The following ZNF778 variants were observed in gnomAD, a reference collection of about 807,000 sequenced individuals.
The protein encoded by ZNF778 is zinc finger protein 778.
ZNF778 carries 37 observed loss-of-function variants against 23.9 expected under a neutral mutation model. That is an observed-to-expected ratio of 1.54 (90% confidence interval 1.19 to 2.03). The LOEUF (loss-of-function observed/expected upper bound fraction) is 2.03. Among genes scored for constraint, ZNF778 ranks in the 30% most tolerant of loss-of-function variants. ZNF778 has a pLI of 0.00. For synonymous variants in ZNF778, 483 were observed against 343.9 expected (o/e 1.40, Z -4.48); for missense variants, 1,297 against 934.4 (o/e 1.39, Z -5.06).
chr16:89,226,728 G>T lies in ZNF778; in HGVS notation c.440G>T (p.Arg147Leu). ...RSHNGGQLCDRTQCGEAFSEH... is the reference protein window; with the variant it reads ...RSHNGGQLCDLTQCGEAFSEH... The stretch of plus-strand genomic sequence containing the variant: ...CACAATGGAGGGCAGCTCTGTGACC[G>T]CACGCAGTGTGGAGAAGCTTTCAGT... The change falls in exon 7 of 7, where the codon CGC becomes CTC. Residue 147 changes from arginine (R) to leucine (L), a missense_variant. Transcript: ENST00000433976. The T allele has an allele frequency of 3.1e-6, 5 of 1,613,414 alleles. No homozygotes were observed. The highest frequency in any genetic ancestry group is 1.7e-4 in the Middle Eastern group (1 of 6,060).
Position 89,228,886 on chromosome 16 carries a change from G to T in ZNF778, c.*324G>T, listed in dbSNP as rs1469362090. On this transcript the variant is annotated 3_prime_UTR_variant, in exon 7 of 7. Transcript: ENST00000433976. Reference sequence around the variant, plus strand: ...CACAATGAAGAAAAACCTTAGGAGGGTGAGAATTGTTGGGAAGTCATTTTT... The same window carrying T: ...CACAATGAAGAAAAACCTTAGGAGGTTGAGAATTGTTGGGAAGTCATTTTT... 3 of 1,042,254 alleles carry T rather than the reference G, an allele frequency of 2.9e-6. No individual in the cohort carries two copies. Among genetic ancestry groups the T allele is most frequent in the Non-Finnish European group, 3.5e-6 (3 of 867,316 alleles). The allele number at this position is 1,042,254 out of a possible 1,614,324, so 64.6% of individuals were successfully genotyped here. A position where few individuals can be genotyped will look rare whatever the true frequency, so the allele number is the denominator to read the frequency against.
At chr16:89,222,879 C>G (rs551257666) in intron 3 of ZNF778, among the ~76,000 whole-genome samples, 1 of 148,652 alleles carries the variant, frequency 6.7e-6, no homozygotes, top group African/African-American at 2.5e-5. Context: ...TTAGAGGTGT[C>G]GTTGCGGCCG....
In ZNF778 at chr16:89,229,793, G is replaced by A. The variant is rs1003930609; in HGVS notation, c.*1231G>A. On this transcript the variant is annotated 3_prime_UTR_variant, in exon 7 of 7. Coordinates refer to ENST00000433976, the MANE Select transcript of ZNF778 (RefSeq NM_001201407.2). ...CAGATGTGATTCTGTGAGCAGTGTA[G>A]GCTCTGGTTGGTTAGTCTTAGGTAT... 1.0e-6 allele frequency: 1 copy of A among 983,662 alleles called. No homozygotes were observed. The highest frequency in any genetic ancestry group is 1.8e-5 in the African/African-American group (1 of 56,468). The allele number at this position is 983,662 out of a possible 1,614,324, so 60.9% of individuals were successfully genotyped here.
In ZNF778 at chr16:89,230,923, C is replaced by T. The variant is rs1218124125; in HGVS notation, c.*2361C>T. 6.6e-6 allele frequency: 1 copy of T among 152,128 alleles called. No homozygotes were observed. The highest frequency in any genetic ancestry group is 1.5e-5 in the Non-Finnish European group (1 of 68,074). The allele number at this position is 152,128 out of a possible 1,614,324, so 9.4% of individuals were successfully genotyped here. On this transcript the variant is annotated 3_prime_UTR_variant, in exon 7 of 7. Coordinates refer to ENST00000433976, the MANE Select transcript of ZNF778 (RefSeq NM_001201407.2). ...GTTTGAAATTCTGGATGGACAGACCCATGCACCTTCATGTTACGTGTTTAA... is the reference window on the plus strand; with the variant it reads ...GTTTGAAATTCTGGATGGACAGACCTATGCACCTTCATGTTACGTGTTTAA...
In ZNF778 at chr16:89,233,013, A is replaced by C. The variant is rs2032034060; in HGVS notation, c.*4451A>C. The C allele has an allele frequency of 7.8e-7, 1 of 1,274,674 alleles. No individual in the cohort carries two copies. The allele number at this position is 1,274,674 out of a possible 1,614,324, so 79.0% of individuals were successfully genotyped here. ...GTATGCAACCCAGCTCGCTCTGCGT[A>C]TGCAACTCAAGTCGCACTGCGTATG... On this transcript the variant is annotated 3_prime_UTR_variant, in exon 7 of 7. Transcript: ENST00000433976.
At position 89,228,263 on chromosome 16, in the gene ZNF778, C is replaced by T. The variant is rs758233220; in HGVS notation, c.1975C>T (p.His659Tyr). The T allele has an allele frequency of 1.9e-6, 3 of 1,605,676 alleles. No individual in the cohort carries two copies. Among genetic ancestry groups the T allele is most frequent in the Non-Finnish European group, 2.6e-6 (3 of 1,173,264 alleles). Residue 659 changes from histidine (H) to tyrosine (Y), a missense_variant, in exon 7 of 7, where the codon CAC becomes TAC. His to Tyr is a moderately conservative substitution (Grantham distance 83). Transcript: ENST00000433976. Reference sequence around the variant, plus strand: ...TGGGAAAGCCTTTGCTTCCTCCTCACACCTTATCGAACACAGAAGGACTCA... The same window carrying T: ...TGGGAAAGCCTTTGCTTCCTCCTCATACCTTATCGAACACAGAAGGACTCA... The part of the protein sequence containing the change: ...ECGKAFASSS[H>Y]LIEHRRTHTG...
chr16:89,225,493 C>G (rs1597356433), intron 5 of ZNF778, 62 bp from the exon 6 acceptor site: 4 of 1,333,774 alleles, frequency 3.0e-6, no homozygotes, highest in Non-Finnish European at 3.1e-6. Flanking sequence ...TCTGCCATGT[C>G]TTATATGAAA....
rs949690982 is a variant in ZNF778, at chr16:89,233,520, C to G, written c.*4958C>G. ...AACTCAGCTTGCTCTGTGTATGCAACTCAACTCGCACTGCGTATGCAAATC... is the reference window on the plus strand; with the variant it reads ...AACTCAGCTTGCTCTGTGTATGCAAGTCAACTCGCACTGCGTATGCAAATC... On this transcript the variant is annotated 3_prime_UTR_variant, in exon 7 of 7. Coordinates refer to ENST00000433976, the MANE Select transcript of ZNF778 (RefSeq NM_001201407.2). 1.6e-6 allele frequency: 2 copies of G among 1,286,054 alleles called. No homozygotes were observed. Among genetic ancestry groups the G allele is most frequent in the Non-Finnish European group, 2.0e-6 (2 of 987,206 alleles). 79.7% of individuals were successfully genotyped at this position (1,286,054 alleles called of 1,614,324 possible).
At chr16:89,225,975 G>T (rs1055381975) in intron 6 of ZNF778, among the ~76,000 whole-genome samples, 10 of 150,700 alleles carry the variant, frequency 6.6e-5, no homozygotes, top group South Asian at 2.1e-4. Flanking sequence ...GCAGTGGCAC[G>T]ATCTTGGCTC....
Position 89,233,034 on chromosome 16 carries a change from G to C in ZNF778, c.*4472G>C, listed in dbSNP as rs62068540. ...GCGTATGCAACTCAAGTCGCACTGC[G>C]TATGCAACTCAGCTCGCTCTGCGTA... On this transcript the variant is annotated 3_prime_UTR_variant, in exon 7 of 7. Coordinates refer to ENST00000433976, the MANE Select transcript of ZNF778 (RefSeq NM_001201407.2). The C allele has an allele frequency of 4.4e-5, 10 of 228,444 alleles. No homozygotes were observed. The highest frequency in any genetic ancestry group is 1.1e-4 in the Admixed American group (1 of 9,184). The allele number at this position is 228,444 out of a possible 1,614,324, so 14.2% of individuals were successfully genotyped here. A position where few individuals can be genotyped will look rare whatever the true frequency, so the allele number is the denominator to read the frequency against.
Position 89,229,523 on chromosome 16 carries a change from A to G in ZNF778, c.*961A>G. 1 of 967,392 alleles carries G rather than the reference A, an allele frequency of 1.0e-6. No individual in the cohort carries two copies. 59.9% of individuals were successfully genotyped at this position (967,392 alleles called of 1,614,324 possible). ...AGGATCCAGATGTGATTCTGTGAGC[A>G]GCATAGGCTCTGGTTGGTTAGTCTT... On this transcript the variant is annotated 3_prime_UTR_variant, in exon 7 of 7. Coordinates refer to ENST00000433976, the MANE Select transcript of ZNF778 (RefSeq NM_001201407.2).
rs890132642 is a variant in ZNF778, at chr16:89,235,305, C to G, written c.*6743C>G. 6.6e-6 allele frequency: 1 copy of G among 152,178 alleles called. No individual in the cohort carries two copies. Among genetic ancestry groups the G allele is most frequent in the African/African-American group, 2.4e-5 (1 of 41,440 alleles). The allele number at this position is 152,178 out of a possible 1,614,324, so 9.4% of individuals were successfully genotyped here. On this transcript the variant is annotated 3_prime_UTR_variant, in exon 7 of 7. Coordinates refer to ENST00000433976, the MANE Select transcript of ZNF778 (RefSeq NM_001201407.2). The stretch of plus-strand genomic sequence containing the variant: ...ACACAACGAGTGGGAAACAGGTGTC[C>G]TAACACTGTGAGAGAAAAAATCCGA...
chr16:89,221,991 G>T (rs146691295), intron 2 of ZNF778, 101 bp from the exon 3 acceptor site: 63 of 745,202 alleles, frequency 8.5e-5, no homozygotes. Context: ...GCAGGAGTAC[G>T]TGATAATTTC....
chr16:89,223,032 C>G (rs757438927), intron 3 of ZNF778, 125 bp from the exon 4 acceptor site: 127 of 1,199,280 alleles, frequency 1.1e-4, no homozygotes, highest in Non-Finnish European at 1.3e-4. Flanking sequence ...CCTGGGACCA[C>G]TGGGCCATGG....
intron 4 of ZNF778, among the ~76,000 whole-genome samples, chr16:89,224,337 C>A (rs897165068): frequency 1.3e-5 from 2 of 150,984 alleles, no homozygotes; most frequent in Non-Finnish European, 3.0e-5. Flanking sequence ...CACTCTGGGA[C>A]GCCAGACGCA....
intron 1 of ZNF778, among the ~76,000 whole-genome samples, chr16:89,220,240 G>A (rs2030789684): frequency 6.6e-6 from 1 of 152,176 alleles, no homozygotes; most frequent in African/African-American, 2.4e-5. Flanking sequence ...CAAGGAGAAT[G>A]GACATGTTTT....
Position 89,227,762 on chromosome 16 carries a change from C to G in ZNF778, c.1474C>G (p.Leu492Val). The G allele has an allele frequency of 1.2e-6, 2 of 1,613,118 alleles. No homozygotes were observed. The highest frequency in any genetic ancestry group is 1.7e-6 in the Non-Finnish European group (2 of 1,179,220). The change falls in exon 7 of 7, where the codon CTG (leucine) becomes GTG (valine). Residue 492 changes from leucine (L) to valine (V), a missense_variant. Transcript: ENST00000433976. ...CGKSFTVSSS[L>V]TEHARIHTGE... ...GAAATCCTTCACTGTTTCTTCAAGC[C>G]TGACTGAGCACGCGAGAATCCATAC...
At chr16:89,220,943 T>C in intron 1 of ZNF778, 54 bp from the exon 2 acceptor site, 1 of 622,524 alleles carries the variant, frequency 1.6e-6, no homozygotes, top group African/African-American at 1.8e-5. Flanking sequence ...AGAAACAAGC[T>C]AATGCGTGAG....
In ZNF778 at chr16:89,222,685, A is replaced by C. The variant is rs966330995; in HGVS notation, c.118-472A>C. ...AGCCACAACATTACTCATTATTTTC[A>C]CCCTTGTGCCAAATGCGTGTTTCGT... On this transcript the variant is annotated intron_variant, in intron 3 of 6. Coordinates refer to ENST00000433976, the MANE Select transcript of ZNF778 (RefSeq NM_001201407.2). 1.8e-4 allele frequency among the ~76,000 whole-genome samples: 27 copies of C among 151,812 alleles called. 1 individual carries two copies. The highest frequency in any genetic ancestry group is 6.3e-4 in the African/African-American group (26 of 41,316).
Sources: allele counts gnomAD v4.1 joint callset (sites outside exome capture counted in the v4.1 genomes callset), GRCh38; gene constraint gnomAD v4.1.1; transcripts MANE v1.5; gene names NCBI Gene and HGNC (gene_info 2026-07-23, HGNC 2026-07-21).